The following USP36 variants were observed in gnomAD, a reference collection of about 807,000 sequenced individuals.
The protein encoded by USP36 is ubiquitin specific peptidase 36.
Under a neutral mutation model 111.5 loss-of-function variants are expected in USP36, and 59 were observed. The observed-to-expected ratio is 0.53, with a 90% CI of 0.43 to 0.66. USP36 has a LOEUF of 0.66. Among genes scored for constraint, USP36 ranks in the 30% least tolerant of loss-of-function variants. The pLI is 0.00. For missense variants in USP36, 1,488 were observed against 1,468.0 expected (o/e 1.01, Z -0.22); for synonymous variants, 628 against 581.0 (o/e 1.08, Z -1.16).
chr17:78,825,892 G>A (rs531901180), intron 6 of USP36, among the ~76,000 whole-genome samples: 12 of 152,292 alleles, frequency 7.9e-5, no homozygotes, highest in East Asian at 3.9e-4. Context: ...CCAGGAAGCC[G>A]CCTCTGGGTG....
intron 12 of USP36, among the ~76,000 whole-genome samples, chr17:78,813,558 T>C (rs532664309): frequency 6.6e-6 from 1 of 152,334 alleles, no homozygotes; most frequent in South Asian, 2.1e-4. Context: ...CAAAACAGCA[T>C]CAATGTGAGG....
chr17:78,814,421 G>A lies in USP36; in HGVS notation c.1155C>T (p.Cys385=), dbSNP rs2094135379. 3 of 1,614,130 alleles carry A rather than the reference G, an allele frequency of 1.9e-6. No individual in the cohort carries two copies. The highest frequency in any genetic ancestry group is 2.2e-5 in the East Asian group (1 of 44,888). ...GACACAAGCCTCTCACCTTCACGTAGCAGTAATAGTGCCCGGCATGGCAGC... is the reference window on the plus strand; with the variant it reads ...GACACAAGCCTCTCACCTTCACGTAACAGTAATAGTGCCCGGCATGGCAGC... The part of the protein sequence containing the change: ...GYSCHAGHYY[C]YVKASNGQWY... The change falls in exon 11 of 21, where the codon TGC becomes TGT. Residue 385 remains cysteine (C), a synonymous_variant. Transcript: ENST00000449938.
At position 78,796,001 on chromosome 17, in the gene USP36, A is replaced by G. The variant is rs1376026999; in HGVS notation, c.*1899T>C. ...TCTGGGCCTCATCTTTCCCTTCCCTATCTGGTTGATGACTTCGGTGGAGGG... is the reference window on the plus strand; with the variant it reads ...TCTGGGCCTCATCTTTCCCTTCCCTGTCTGGTTGATGACTTCGGTGGAGGG... On this transcript the variant is annotated 3_prime_UTR_variant, in exon 21 of 21. Transcript: ENST00000449938. The G allele has an allele frequency of 6.6e-6, 1 of 152,184 alleles. No individual in the cohort carries two copies. The highest frequency in any genetic ancestry group is 1.5e-5 in the Non-Finnish European group (1 of 68,040). The allele number at this position is 152,184 out of a possible 1,614,324, so 9.4% of individuals were successfully genotyped here.
Position 78,803,956 on chromosome 17 carries a change from A to G in USP36, c.2239T>C (p.Ser747Pro). 1 of 1,599,408 alleles carries G rather than the reference A, an allele frequency of 6.3e-7. No individual in the cohort carries two copies. Among genetic ancestry groups the G allele is most frequent in the Non-Finnish European group, 8.5e-7 (1 of 1,176,444 alleles). The change falls in exon 16 of 21, where the codon TCA (serine) becomes CCA (proline). Residue 747 changes from serine (S) to proline (P), a missense_variant. Ser to Pro is a moderately conservative substitution (Grantham distance 74). Coordinates refer to ENST00000449938, the MANE Select transcript of USP36 (RefSeq NM_001385174.1). This position sits in a 1 kb window ranked among gnomAD's most constrained non-coding sequence, Gnocchi z 4.6. Reference protein sequence around the residue: ...RARAVSPAPQSSSRLQPPFSP... With the variant: ...RARAVSPAPQPSSRLQPPFSP... The stretch of plus-strand genomic sequence containing the variant: ...AAGGGGGGTTGCAGGCGGCTGGATG[A>G]TTGGGGAGCAGGTGACACAGCCCTG...
chr17:78,827,046 A>G (rs1168086420), intron 6 of USP36, 199 bp downstream of exon 6: 3 of 712,640 alleles, frequency 4.2e-6, no homozygotes, highest in East Asian at 2.7e-5. Flanking sequence ...CTCCGGAGAC[A>G]GCCCTTTCCC....
At position 78,806,276 on chromosome 17, in the gene USP36, A is replaced by G; in HGVS notation, c.2096T>C (p.Leu699Pro). ...LALSAKKAST[L>P]WRATGNDLRP... Reference sequence around the variant, plus strand: ...GAGGTCATTGCCGGTCGCCCTCCACAGGGTGCTGGCCTGCAGTTATCGACA... The same window carrying G: ...GAGGTCATTGCCGGTCGCCCTCCACGGGGTGCTGGCCTGCAGTTATCGACA... The change falls in exon 15 of 21, where the codon CTG (leucine) becomes CCG (proline). Residue 699 changes from leucine (L) to proline (P), a missense_variant. Leu to Pro is a moderately conservative substitution (Grantham distance 98). Coordinates refer to ENST00000449938, the MANE Select transcript of USP36 (RefSeq NM_001385174.1). The G allele has an allele frequency of 6.2e-7, 1 of 1,613,930 alleles. No homozygotes were observed. Among genetic ancestry groups the G allele is most frequent in the South Asian group, 1.1e-5 (1 of 91,072 alleles).
chr17:78,817,230 C>T (rs1236147755), intron 10 of USP36, among the ~76,000 whole-genome samples: 1 of 152,204 alleles, frequency 6.6e-6, no homozygotes, highest in Non-Finnish European at 1.5e-5. Context: ...TGTAAATGCA[C>T]TCTATGATGT....
chr17:78,833,207 C>T (rs2068309493), intron 4 of USP36, among the ~76,000 whole-genome samples: 2 of 152,196 alleles, frequency 1.3e-5, no homozygotes, highest in African/African-American at 2.4e-5. Flanking sequence ...TGATAATTAA[C>T]CTTTGCTGCT....
Position 78,807,237 on chromosome 17 carries a change from C to A in USP36, c.1807G>T (p.Ala603Ser). ...GHGLKGNDES[A>S]GLDRRGSSSS... ...CTGGAGCCCCTCCTGTCGAGGCCAG[C>A]GCTCTCGTCGTTCCCCTTCAGCCCA... The change falls in exon 14 of 21, where the codon GCT becomes TCT. Residue 603 changes from alanine (A) to serine (S), a missense_variant. This residue lies in a region of USP36 where 1,073 missense variants were observed against 994.1 expected (regional missense o/e 1.08). Coordinates refer to ENST00000449938, the MANE Select transcript of USP36 (RefSeq NM_001385174.1). The A allele has an allele frequency of 1.2e-6, 2 of 1,614,022 alleles. No individual in the cohort carries two copies. Among genetic ancestry groups the A allele is most frequent in the South Asian group, 1.1e-5 (1 of 91,062 alleles).
In USP36 at chr17:78,806,183, G is replaced by A; in HGVS notation, c.2189C>T (p.Ala730Val). Residue 730 changes from alanine to valine, a missense_variant, in exon 15 of 21, where the codon GCC (alanine) becomes GTC (valine). Coordinates refer to ENST00000449938, the MANE Select transcript of USP36 (RefSeq NM_001385174.1). ...GGCTCTATGGACGGGCCAAGTGGAG[G>A]CAACGACGGGGTGAGAGGTTTTCAT... ...HPMKTSHPVV[A>V]STWPVHRARA... 1 of 1,613,558 alleles carries A rather than the reference G, an allele frequency of 6.2e-7. No homozygotes were observed.
chr17:78,828,724 G>A (rs892890853), intron 5 of USP36, among the ~76,000 whole-genome samples, 173 bp downstream of exon 5: 3 of 152,202 alleles, frequency 2.0e-5, no homozygotes, highest in Non-Finnish European at 4.4e-5. Flanking sequence ...AACAGATGGA[G>A]AATGGCACAG....
In USP36 at chr17:78,825,791, C is replaced by T. The variant is rs956107756; in HGVS notation, c.689+1454G>A. On this transcript the variant is annotated intron_variant, in intron 6 of 20. Coordinates refer to ENST00000449938, the MANE Select transcript of USP36 (RefSeq NM_001385174.1). ...AGAGCCAGGCCCCCTGCTATAGGCT[C>T]GCTGCACTCCCCCTGCAGGTGCTGG... is the stretch of plus-strand genomic sequence containing the variant. 2.2e-4 allele frequency among the ~76,000 whole-genome samples: 33 copies of T among 152,166 alleles called. 1 individual carries two copies. Among genetic ancestry groups the T allele is most frequent in the Admixed American group, 2.0e-3 (30 of 15,284 alleles).
intron 15 of USP36, among the ~76,000 whole-genome samples, chr17:78,805,400 GCAGAGGCTGTGGGCGACGCA>G (rs2093870569): frequency 6.6e-6 from 1 of 152,282 alleles, no homozygotes; most frequent in Non-Finnish European, 1.5e-5. Flanking sequence ...GGAGAGTAAG[GCAGAGGCTGTGGGCGACGCA>G]CAGTCATACC....
downstream of USP36, among the ~76,000 whole-genome samples, chr17:78,791,619 G>A (rs1194274354): frequency 6.6e-6 from 1 of 152,190 alleles, no homozygotes; most frequent in African/African-American, 2.4e-5. Flanking sequence ...TCAATGCCTG[G>A]AGTGCTTTCT....
rs373944550 is a variant in USP36 at position 78,829,853 on chromosome 17, G to A, written c.476-846C>T. On this transcript the variant is annotated intron_variant, in intron 4 of 20. Coordinates refer to ENST00000449938, the MANE Select transcript of USP36 (RefSeq NM_001385174.1). Reference sequence around the variant, plus strand: ...CCTGCCGGGTTTAAGCAATTCTCCTGCCTCAGCCTCCCAAGTGGCTGGGAC... The same window carrying A: ...CCTGCCGGGTTTAAGCAATTCTCCTACCTCAGCCTCCCAAGTGGCTGGGAC... Among the ~76,000 whole-genome samples, 82 of 152,268 alleles carry A rather than the reference G, an allele frequency of 5.4e-4. No homozygotes were observed. In the East Asian group the frequency reaches 7.3e-3, roughly 14 times the overall value.
intron 6 of USP36, among the ~76,000 whole-genome samples, chr17:78,825,076 T>C (rs2067414325): frequency 6.6e-6 from 1 of 152,056 alleles, no homozygotes; most frequent in African/African-American, 2.4e-5. Flanking sequence ...TAACACACTA[T>C]TCCAAACAGA....
Position 78,798,295 on chromosome 17 carries a change from G to T in USP36, c.*20+105C>A. Reference sequence around the variant, plus strand: ...CCAACACACATGTGCCAGATACACAGCCCACATACATCATACACACACGCC... The same window carrying T: ...CCAACACACATGTGCCAGATACACATCCCACATACATCATACACACACGCC... On this transcript the variant is annotated intron_variant, in intron 20 of 20. Coordinates refer to ENST00000449938, the MANE Select transcript of USP36 (RefSeq NM_001385174.1). This position sits in a 1 kb window ranked among gnomAD's most constrained non-coding sequence, Gnocchi z 5.1. 1 of 1,430,684 alleles carries T rather than the reference G, an allele frequency of 7.0e-7. No homozygotes were observed. The allele number at this position is 1,430,684 out of a possible 1,614,324, so 88.6% of individuals were successfully genotyped here.
At chr17:78,802,897 G>A (rs1023889220) in intron 16 of USP36, among the ~76,000 whole-genome samples, 4 of 152,100 alleles carry the variant, frequency 2.6e-5, no homozygotes, top group African/African-American at 4.8e-5. Context: ...CACCACTGTC[G>A]CTTCAAGGAT....
chr17:78,792,762 A>G (rs1470470838), downstream of USP36, among the ~76,000 whole-genome samples: 1 of 151,966 alleles, frequency 6.6e-6, no homozygotes, highest in African/African-American at 2.4e-5. Context: ...TCTGTCGCCC[A>G]GGCTGGAGTG....
Sources: allele counts gnomAD v4.1 joint callset (sites outside exome capture counted in the v4.1 genomes callset), GRCh38; gene constraint gnomAD v4.1.1; regional missense constraint gnomAD v4.1.1; non-coding constraint Gnocchi (gnomAD v3.1); transcripts MANE v1.5; gene names NCBI Gene and HGNC (gene_info 2026-07-23, HGNC 2026-07-21).